The following HHAT variants were observed in gnomAD, a reference collection of about 807,000 sequenced individuals.
The protein encoded by HHAT is protein-cysteine N-palmitoyltransferase HHAT.
Under a neutral mutation model 70.8 loss-of-function variants are expected in HHAT, and 47 were observed. The ratio of observed to expected loss-of-function variants is 0.66; its 90% CI spans 0.53 to 0.85. HHAT has a LOEUF of 0.85. HHAT is among the 40% of genes least tolerant of loss of function. The probability of loss-of-function intolerance (pLI) is 0.00; values close to 1 mark genes in which losing one functional copy is unlikely to be tolerated. For missense variants in HHAT, 609 were observed against 604.8 expected (o/e 1.01, Z -0.07); for synonymous variants, 228 against 247.6 (o/e 0.92, Z 0.74).
intron 7 of HHAT, among the ~76,000 whole-genome samples, chr1:210,453,996 G>A (rs1015115671): frequency 1.3e-5 from 2 of 152,190 alleles, no homozygotes; most frequent in Non-Finnish European, 2.9e-5. Flanking sequence ...TTACATGGCG[G>A]TGACAAGAGA....
chr1:210,612,952 A>G (rs1158831889), intron 10 of HHAT, among the ~76,000 whole-genome samples: 1 of 152,012 alleles, frequency 6.6e-6, no homozygotes, highest in Non-Finnish European at 1.5e-5. Context: ...TTCTTTGTCC[A>G]TTTTTAAAGT....
chr1:210,383,648 A>T (rs541243692), intron 3 of HHAT, among the ~76,000 whole-genome samples: 1 of 152,186 alleles, frequency 6.6e-6, no homozygotes, highest in Non-Finnish European at 1.5e-5. Flanking sequence ...TGGGGTATCA[A>T]TGTAGGTTCA....
chr1:210,374,092 A>T (rs1435414914), intron 3 of HHAT: 1 of 152,132 alleles, frequency 6.6e-6, no homozygotes, highest in Non-Finnish European at 1.5e-5. Context: ...ACAATGAATC[A>T]CTTAAGCCTA....
In HHAT at chr1:210,592,596, T is replaced by G. The variant is rs113761625; in HGVS notation, c.1245+4497T>G. 4.9e-3 allele frequency among the ~76,000 whole-genome samples: 744 copies of G among 152,232 alleles called. 11 individuals carry two copies. Among genetic ancestry groups the G allele is most frequent in the African/African-American group, 0.017 (694 of 41,560 alleles). ...ATGTCCTTAGTATTTTGATAGAGAT[T>G]GCATTGAATCTGTAGATTACTTTAG... On this transcript the variant is annotated intron_variant, in intron 10 of 11. Transcript: ENST00000261458.
chr1:210,329,842 G>T (rs1220017224), intron 1 of HHAT, among the ~76,000 whole-genome samples: 1 of 152,210 alleles, frequency 6.6e-6, no homozygotes, highest in Non-Finnish European at 1.5e-5. Context: ...CAGCATCCCG[G>T]TTTCAAGCGA....
intron 8 of HHAT, among the ~76,000 whole-genome samples, chr1:210,489,921 G>T (rs1401458171): frequency 6.6e-6 from 1 of 152,142 alleles, no homozygotes; most frequent in African/African-American, 2.4e-5. Flanking sequence ...GATTATTTCA[G>T]ATCAGTTGAG....
In HHAT at chr1:210,464,502, C is replaced by T. The variant is rs187337157; in HGVS notation, c.857-3C>T. On this transcript the variant is annotated splice_region_variant and splice_polypyrimidine_tract_variant and intron_variant, in intron 7 of 11. Coordinates refer to ENST00000261458, the MANE Select transcript of HHAT (RefSeq NM_018194.6). ...GTGTCTGACTGGTCTGTTTGCCTTTCAGGAGGACTGGCGTTAGCCCAGGTG... is the reference window on the plus strand; with the variant it reads ...GTGTCTGACTGGTCTGTTTGCCTTTTAGGAGGACTGGCGTTAGCCCAGGTG... 2.6e-5 allele frequency: 42 copies of T among 1,614,170 alleles called. No individual in the cohort carries two copies. The East Asian group carries it at 3.3e-4, about 13-fold the overall frequency.
chr1:210,452,955 T>C (rs2093784523), intron 7 of HHAT, among the ~76,000 whole-genome samples: 2 of 152,232 alleles, frequency 1.3e-5, no homozygotes. Context: ...TGTTCACTGA[T>C]TGGAGATTAA....
chr1:210,562,826 C>T (rs2095636452), intron 9 of HHAT, among the ~76,000 whole-genome samples: 1 of 117,534 alleles, frequency 8.5e-6, no homozygotes, highest in Admixed American at 1.1e-4. Flanking sequence ...CCACAACAGG[C>T]CCCAGTGTGT....
intron 3 of HHAT, among the ~76,000 whole-genome samples, chr1:210,376,649 G>A (rs2148096294): frequency 6.6e-6 from 1 of 152,302 alleles, no homozygotes; most frequent in East Asian, 1.9e-4. Flanking sequence ...AGTCTCCCAG[G>A]CCCCTGGGCT....
At position 210,587,991 on chromosome 1, in the gene HHAT, T is replaced by A; in HGVS notation, c.1137T>A (p.His379Gln). 6 of 1,614,134 alleles carry A rather than the reference T, an allele frequency of 3.7e-6. No homozygotes were observed. Among genetic ancestry groups the A allele is most frequent in the African/African-American group, 1.3e-5 (1 of 75,036 alleles). The stretch of plus-strand genomic sequence containing the variant: ...CATTTGCATTTGTGAGCTACTGGCA[T>A]GGCGGCTACGACTACCTCTGGTGCT... ...AMTFAFVSYWHGGYDYLWCWA... is the reference protein window; with the variant it reads ...AMTFAFVSYWQGGYDYLWCWA... The change falls in exon 10 of 12, where the codon CAT becomes CAA. Residue 379 changes from histidine to glutamine, a missense_variant. Physicochemically the swap from His to Gln is conservative, Grantham distance 24. Coordinates refer to ENST00000261458, the MANE Select transcript of HHAT (RefSeq NM_018194.6).
chr1:210,404,439 T>C, intron 5 of HHAT, 25 bp from the exon 6 acceptor site: 1 of 1,571,626 alleles, frequency 6.4e-7, no homozygotes, highest in South Asian at 1.1e-5. Flanking sequence ...CACTCAAAGG[T>C]TGTTCTCTCC....
chr1:210,674,225 C>T lies in HHAT; in HGVS notation c.1391-63C>T, dbSNP rs1680763902. 4 of 1,371,244 alleles carry T rather than the reference C, an allele frequency of 2.9e-6. No homozygotes were observed. The South Asian group carries it at 3.5e-5, about 12-fold the overall frequency. The allele number at this position is 1,371,244 out of a possible 1,614,324, so 84.9% of individuals were successfully genotyped here. A position where few individuals can be genotyped will look rare whatever the true frequency, so the allele number is the denominator to read the frequency against. The stretch of plus-strand genomic sequence containing the variant: ...CTTCTCCAAAAGGGGACAGTTTGCC[C>T]ATGTGGGATGTCCTGCCCCAAGCAT... On this transcript the variant is annotated intron_variant, in intron 11 of 11. Coordinates refer to ENST00000261458, the MANE Select transcript of HHAT (RefSeq NM_018194.6).
chr1:210,370,440 T>C (rs1049586959), intron 3 of HHAT, among the ~76,000 whole-genome samples: 1 of 152,032 alleles, frequency 6.6e-6, no homozygotes, highest in South Asian at 2.1e-4. Flanking sequence ...CTCAAATTGC[T>C]GGGATTACAG....
intron 6 of HHAT, among the ~76,000 whole-genome samples, chr1:210,406,935 A>G (rs1423937636): frequency 2.0e-5 from 3 of 152,182 alleles, no homozygotes; most frequent in Non-Finnish European, 4.4e-5. Flanking sequence ...AACCCCTTCT[A>G]AAACAATAGC....
chr1:210,562,806 T>TC (rs2095636122), intron 9 of HHAT, among the ~76,000 whole-genome samples: 1 of 61,660 alleles, frequency 1.6e-5, no homozygotes, highest in African/African-American at 5.4e-5. Flanking sequence ...CCCTCCCCCC[T>TC]CCCCCCACCC....
rs182911701 is a variant in HHAT at position 210,538,765 on chromosome 1, C to T, written c.1043+25577C>T. ...CTGTCCTGGATTTAAAAGGACTAAC[C>T]ATATTACAAGCAAAATACATAGTAG... On this transcript the variant is annotated intron_variant, in intron 9 of 11. Transcript: ENST00000261458. Among the ~76,000 whole-genome samples, 162 of 152,240 alleles carry T rather than the reference C, an allele frequency of 1.1e-3. 1 individual carries two copies. Among genetic ancestry groups the T allele is most frequent in the African/African-American group, 3.2e-3 (133 of 41,564 alleles).
chr1:210,667,522 T>C (rs1244832944), intron 11 of HHAT, among the ~76,000 whole-genome samples: 1 of 152,212 alleles, frequency 6.6e-6, no homozygotes, highest in Non-Finnish European at 1.5e-5. Context: ...AACATCCCAA[T>C]GTTATCTTTA....
chr1:210,511,794 T>C (rs2094957422), intron 8 of HHAT, among the ~76,000 whole-genome samples: 1 of 79,726 alleles, frequency 1.3e-5, no homozygotes. Context: ...TTTTTTTTTT[T>C]TTTTTTTTTT....
Sources: allele counts gnomAD v4.1 joint callset (sites outside exome capture counted in the v4.1 genomes callset), GRCh38; gene constraint gnomAD v4.1.1; transcripts MANE v1.5; gene names NCBI Gene and HGNC (gene_info 2026-07-23, HGNC 2026-07-21).